TINAG: variants seen among roughly 807,000 people sequenced by gnomAD.
The protein encoded by TINAG is tubulointerstitial nephritis antigen.
Under a neutral mutation model 72.7 loss-of-function variants are expected in TINAG, and 83 were observed. That is an observed-to-expected ratio of 1.14 (90% CI 0.96 to 1.37). The LOEUF (loss-of-function observed/expected upper bound fraction) is 1.37, where lower values mean the gene tolerates loss of function less well. Among genes scored for constraint, TINAG ranks in the 40% most tolerant of loss-of-function variants. The pLI is 0.00. For synonymous variants in TINAG, 234 were observed against 189.9 expected (o/e 1.23, Z -1.91); for missense variants, 685 against 576.6 (o/e 1.19, Z -1.93).
chr6:54,308,193 G>C, upstream of TINAG: 1 of 1,407,584 alleles, frequency 7.1e-7, no homozygotes. Flanking sequence ...ATTCTAAGGA[G>C]GCTTTCGATT....
intron 1 of TINAG, among the ~76,000 whole-genome samples, chr6:54,317,349 C>T (rs1351115222): frequency 6.6e-6 from 1 of 152,100 alleles, no homozygotes; most frequent in African/African-American, 2.4e-5. Context: ...TCCCATAATT[C>T]TCACCTGTCA....
intron 9 of TINAG, among the ~76,000 whole-genome samples, chr6:54,374,803 C>T (rs1763731980): frequency 6.6e-6 from 1 of 152,066 alleles, no homozygotes. Context: ...AGTTCCATAT[C>T]AGGTTATATG....
chr6:54,337,425 C>T (rs1202281988), intron 4 of TINAG, among the ~76,000 whole-genome samples: 1 of 151,632 alleles, frequency 6.6e-6, no homozygotes, highest in Non-Finnish European at 1.5e-5. Flanking sequence ...GGCTAATCTT[C>T]GTATTTTTAG....
chr6:54,373,586 T>C lies in TINAG; in HGVS notation c.1251-6940T>C, dbSNP rs975782849. Among the ~76,000 whole-genome samples the C allele has an allele frequency of 2.9e-4, 44 of 152,140 alleles. 1 individual carries two copies. Among genetic ancestry groups the C allele is most frequent in the Admixed American group, 2.0e-4 (3 of 15,242 alleles). ...TCAGTCCCTTTATCTATGAAATATA[T>C]AAAATGAATTAGAGTCTGATTGGTT... is the stretch of plus-strand genomic sequence containing the variant. On this transcript the variant is annotated intron_variant, in intron 9 of 10. Coordinates refer to ENST00000259782, the MANE Select transcript of TINAG (RefSeq NM_014464.4).
At chr6:54,382,442 A>G (rs1342963574) in intron 10 of TINAG, among the ~76,000 whole-genome samples, 1 of 152,120 alleles carries the variant, frequency 6.6e-6, no homozygotes, top group Non-Finnish European at 1.5e-5. Flanking sequence ...TGCATTCAGG[A>G]AAAACTAATC....
rs138907614 is a variant in TINAG, at chr6:54,328,274, C to G, written c.624+1358C>G. On this transcript the variant is annotated intron_variant, in intron 4 of 10. Transcript: ENST00000259782. Reference sequence around the variant, plus strand: ...GGGATGAAGCTTCCAGAGGAAGGAGCAGGCAGCAATCTTTGCTGTTCTGAA... The same window carrying G: ...GGGATGAAGCTTCCAGAGGAAGGAGGAGGCAGCAATCTTTGCTGTTCTGAA... Among the ~76,000 whole-genome samples the G allele has an allele frequency of 3.7e-3, 566 of 152,160 alleles. 6 individuals are homozygous for G. Among genetic ancestry groups the G allele is most frequent in the African/African-American group, 0.013 (536 of 41,528 alleles).
chr6:54,320,719 A>G, intron 2 of TINAG, 77 bp downstream of exon 2: 5 of 1,174,430 alleles, frequency 4.3e-6, no homozygotes, highest in Non-Finnish European at 6.1e-6. Context: ...ATATTTGTGA[A>G]CCAAAGTATA....
At chr6:54,328,155 C>T (rs1394475694) in intron 4 of TINAG, among the ~76,000 whole-genome samples, 1 of 152,118 alleles carries the variant, frequency 6.6e-6, no homozygotes, top group African/African-American at 2.4e-5. Context: ...GTTCCTGACC[C>T]CCCATGCCTC....
At chr6:54,352,883 C>T (rs1001871834) in intron 8 of TINAG, among the ~76,000 whole-genome samples, 1 of 151,554 alleles carries the variant, frequency 6.6e-6, no homozygotes, top group African/African-American at 2.4e-5. Flanking sequence ...AAAATAAAGA[C>T]ATAACATTTC....
rs1415930779 is a variant in TINAG, at chr6:54,389,812, A to G, written c.1318A>G (p.Lys440Glu). The G allele has an allele frequency of 1.3e-6, 2 of 1,590,920 alleles. No homozygotes were observed. Among genetic ancestry groups the G allele is most frequent in the Admixed American group, 1.9e-5 (1 of 53,406 alleles). Reference protein sequence around the residue: ...KFWIAANSWGKSWGENGYFRI... With the variant: ...KFWIAANSWGESWGENGYFRI... The stretch of plus-strand genomic sequence containing the variant: ...GCAGATTGCTGCCAATTCCTGGGGA[A>G]AGTCATGGGGAGAGAATGGCTATTT... Residue 440 changes from lysine (K) to glutamate (E), a missense_variant, in exon 11 of 11, where the codon AAG becomes GAG. Lys to Glu is a moderately conservative substitution (Grantham distance 56). Coordinates refer to ENST00000259782, the MANE Select transcript of TINAG (RefSeq NM_014464.4).
intron 5 of TINAG, among the ~76,000 whole-genome samples, chr6:54,346,240 G>C (rs888189078): frequency 6.6e-6 from 1 of 151,990 alleles, no homozygotes; most frequent in Non-Finnish European, 1.5e-5. Context: ...TTCTAAGAGG[G>C]CAGAACTATG....
At chr6:54,314,719 T>C (rs537475455) in intron 1 of TINAG, among the ~76,000 whole-genome samples, 109 of 152,324 alleles carry the variant, frequency 7.2e-4, no homozygotes, top group Non-Finnish European at 1.3e-3. Flanking sequence ...AATTTTTTAA[T>C]GTGCTGAAAT....
At chr6:54,380,606 A>C (rs1173958164) in intron 10 of TINAG, 35 bp downstream of exon 10, 2 of 1,567,640 alleles carry the variant, frequency 1.3e-6, no homozygotes, top group Non-Finnish European at 1.8e-6. Flanking sequence ...TCCTGCTGTG[A>C]AGTGAATATG....
chr6:54,370,983 G>T (rs528716560), intron 9 of TINAG, among the ~76,000 whole-genome samples: 1 of 152,160 alleles, frequency 6.6e-6, no homozygotes, highest in East Asian at 1.9e-4. Context: ...AGCAAGACAA[G>T]GCAAATAACA....
At chr6:54,336,942 T>C (rs1050524523) in intron 4 of TINAG, among the ~76,000 whole-genome samples, 1 of 152,080 alleles carries the variant, frequency 6.6e-6, no homozygotes, top group African/African-American at 2.4e-5. Context: ...GGTATTGGCA[T>C]TAACTAACAA....
intron 3 of TINAG, among the ~76,000 whole-genome samples, chr6:54,323,537 C>T (rs1401810857): frequency 6.6e-6 from 1 of 152,050 alleles, no homozygotes. Context: ...ATTTTAGATC[C>T]AAGTCTTTAT....
intron 1 of TINAG, among the ~76,000 whole-genome samples, chr6:54,311,759 G>T (rs1396630263): frequency 1.3e-5 from 2 of 152,058 alleles, no homozygotes; most frequent in African/African-American, 4.8e-5. Flanking sequence ...CTTTTTTGAA[G>T]ATGACTTAGG....
Position 54,376,831 on chromosome 6 carries a change from A to G in TINAG, c.1251-3695A>G, listed in dbSNP as rs147981496. Among the ~76,000 whole-genome samples, 632 of 152,248 alleles carry G rather than the reference A, an allele frequency of 4.2e-3. 3 individuals are homozygous for G. The highest frequency in any genetic ancestry group is 0.014 in the African/African-American group (595 of 41,550). On this transcript the variant is annotated intron_variant, in intron 9 of 10. Coordinates refer to ENST00000259782, the MANE Select transcript of TINAG (RefSeq NM_014464.4). The stretch of plus-strand genomic sequence containing the variant: ...AAGTAGTGTTTCTGGAACTCATGAA[A>G]AGTGGGCATATAAAATAAATCCTGA...
intron 9 of TINAG, among the ~76,000 whole-genome samples, chr6:54,372,928 C>T (rs1027190695): frequency 2.6e-5 from 4 of 151,522 alleles, no homozygotes; most frequent in African/African-American, 9.7e-5. Context: ...AGAAAGTCAG[C>T]CCAAGTCTGA....
Sources: allele counts gnomAD v4.1 joint callset (sites outside exome capture counted in the v4.1 genomes callset), GRCh38; gene constraint gnomAD v4.1.1; transcripts MANE v1.5; gene names NCBI Gene and HGNC (gene_info 2026-07-23, HGNC 2026-07-21).